The following GAK variants were observed in gnomAD, a reference collection of about 807,000 sequenced individuals.
GAK encodes cyclin-G-associated kinase.
Under a neutral mutation model 143.9 loss-of-function variants are expected in GAK, and 79 were observed. That is an observed-to-expected ratio of 0.55 (90% CI 0.46 to 0.66). The LOEUF is 0.66. GAK is among the 30% of genes least tolerant of loss of function. The pLI is 0.00. For missense variants in GAK, 1,693 were observed against 1,779.7 expected, an observed-to-expected ratio of 0.95 and a Z score of 0.88; for synonymous variants, 881 against 765.5, an observed-to-expected ratio of 1.15 and a Z score of -2.49.
intron 11 of GAK, among the ~76,000 whole-genome samples, chr4:885,373 T>G (rs1372462845): frequency 6.6e-6 from 1 of 152,140 alleles, no homozygotes. Flanking sequence ...GTTGGGAGTT[T>G]GAGACCAGCC....
chr4:903,206 T>TGGCGGTGTGGTG (rs1190331429), intron 5 of GAK, among the ~76,000 whole-genome samples: 7 of 152,120 alleles, frequency 4.6e-5, no homozygotes, highest in East Asian at 1.9e-4. Flanking sequence ...AGCATCTGTG[T>TGGCGGTGTGGTG]GGCAGTGTGG....
At chr4:913,536 GAA>G in intron 2 of GAK, 69 bp downstream of exon 2, 1 of 1,202,012 alleles carries the variant, frequency 8.3e-7, no homozygotes, top group Non-Finnish European at 1.2e-6. Flanking sequence ...ACGCATCCCT[GAA>G]AAGACTGTCA....
chr4:892,705 C>A (rs958162628), intron 9 of GAK, among the ~76,000 whole-genome samples: 5 of 151,966 alleles, frequency 3.3e-5, no homozygotes, highest in Non-Finnish European at 5.9e-5. Flanking sequence ...AACACAGACG[C>A]AGAGCAACTC....
intron 20 of GAK, 127 bp from the exon 21 acceptor site, chr4:867,559 TC>T: frequency 1.8e-6 from 1 of 545,148 alleles, no homozygotes; most frequent in Non-Finnish European, 3.3e-6. Context: ...AGCACCAGGG[TC>T]CCCACGGCGC....
Position 896,567 on chromosome 4 carries a change from T to G in GAK, c.652-18A>C, listed in dbSNP as rs769817798. 2.5e-6 allele frequency: 4 copies of G among 1,586,994 alleles called. No individual in the cohort carries two copies. The highest frequency in any genetic ancestry group is 1.7e-4 in the Middle Eastern group (1 of 6,044). On this transcript the variant is annotated intron_variant, in intron 6 of 27. Coordinates refer to ENST00000314167, the MANE Select transcript of GAK (RefSeq NM_005255.4). ...CTCGTGATCTGAAAAAATACAAACA[T>G]TTCAAAGGAAAAGTTGCATCCCACA...
chr4:882,882 AG>A, intron 13 of GAK, 63 bp from the exon 14 acceptor site: 2 of 1,581,378 alleles, frequency 1.3e-6, no homozygotes, highest in Non-Finnish European at 1.7e-6. Flanking sequence ...TTGGTCAGCT[AG>A]GAGGGACAGC....
intron 4 of GAK, among the ~76,000 whole-genome samples, chr4:909,856 C>CGCA (rs1721732106): frequency 6.6e-6 from 1 of 152,186 alleles, no homozygotes; most frequent in African/African-American, 2.4e-5. Flanking sequence ...GAAACACAAG[C>CGCA]GGCACATCCC....
intron 24 of GAK, chr4:859,347 G>C: frequency 7.0e-7 from 1 of 1,430,132 alleles, no homozygotes; most frequent in Non-Finnish European, 9.3e-7. Context: ...CCTGAGGACA[G>C]GATGGATCAC....
chr4:852,078 A>T, intron 24 of GAK, 104 bp from the exon 25 acceptor site: 1 of 974,616 alleles, frequency 1.0e-6, no homozygotes, highest in Non-Finnish European at 1.6e-6. Flanking sequence ...ATGCGCTTGC[A>T]AAATAGAACA....
At chr4:887,607 A>T (rs1009435391) in intron 11 of GAK, 1 of 146,968 alleles carries the variant, frequency 6.8e-6, no homozygotes, top group African/African-American at 2.7e-5. Flanking sequence ...CGGCTCATAC[A>T]GGCACTCGCG....
intron 6 of GAK, among the ~76,000 whole-genome samples, chr4:897,482 G>T (rs1000671305): frequency 6.6e-6 from 1 of 152,156 alleles, no homozygotes; most frequent in African/African-American, 2.4e-5. Flanking sequence ...CACAGGGTGA[G>T]AGCAGGCTAC....
chr4:924,916 C>G (rs1354721895), intron 1 of GAK, among the ~76,000 whole-genome samples: 1 of 151,792 alleles, frequency 6.6e-6, no homozygotes, highest in Admixed American at 6.6e-5. Context: ...AGGGGCTGCT[C>G]TCAGGATAGT....
rs201246332 is a variant in GAK, at chr4:884,008, C to T, written c.1255+29G>A. 2.9e-4 allele frequency: 469 copies of T among 1,607,130 alleles called. 7 individuals are homozygous for T. The South Asian group carries it at 3.5e-3, about 12-fold the overall frequency. On this transcript the variant is annotated intron_variant, in intron 12 of 27. Transcript: ENST00000314167. ...GGGCACACAGGGAAGGGCCGGGGCG[C>T]GTCCCACAGCCTCATGTGGCACGCA...
At chr4:874,682 AG>A (rs1308897172) in intron 18 of GAK, among the ~76,000 whole-genome samples, 4 of 151,884 alleles carry the variant, frequency 2.6e-5, no homozygotes, top group African/African-American at 7.3e-5. Context: ...AAAAAAAAAA[AG>A]TATCCTCTTT....
At chr4:854,139 G>A (rs1381360262) in intron 24 of GAK, among the ~76,000 whole-genome samples, 1 of 139,844 alleles carries the variant, frequency 7.2e-6, no homozygotes, top group African/African-American at 2.7e-5. Flanking sequence ...TTTTTTAATT[G>A]ATCATTCTTG....
At chr4:862,885 G>A (rs558275107) in intron 23 of GAK, among the ~76,000 whole-genome samples, 55 of 152,376 alleles carry the variant, frequency 3.6e-4, no homozygotes, top group African/African-American at 1.3e-3. Context: ...TACGCAGACA[G>A]TCACGCTGCT....
chr4:930,705 T>G (rs1292853274), intron 1 of GAK, among the ~76,000 whole-genome samples: 1 of 152,068 alleles, frequency 6.6e-6, no homozygotes, highest in Non-Finnish European at 1.5e-5. Flanking sequence ...AGAGAAATCT[T>G]CCAACTGATG....
At chr4:895,463 C>T (rs972396636) in intron 7 of GAK, among the ~76,000 whole-genome samples, 5 of 152,216 alleles carry the variant, frequency 3.3e-5, no homozygotes, top group African/African-American at 9.6e-5. Context: ...TGACCACACA[C>T]GTGGCCCCAT....
intron 15 of GAK, among the ~76,000 whole-genome samples, chr4:878,083 G>A (rs774705639): frequency 6.6e-6 from 1 of 152,054 alleles, no homozygotes; most frequent in Non-Finnish European, 1.5e-5. Context: ...TTACTCATGG[G>A]TTATTTAGAA....
Sources: gnomAD v4.1 joint callset for allele counts (sites outside exome capture counted in the v4.1 genomes callset) on GRCh38, gnomAD v4.1.1 for gene constraint, MANE v1.5 for transcripts, NCBI Gene and HGNC (gene_info 2026-07-23, HGNC 2026-07-21) for gene names.